The following MAGT1 variants were observed in gnomAD, a reference collection of about 807,000 sequenced individuals.
MAGT1 encodes dolichyl-diphosphooligosaccharide--protein glycosyltransferase subunit MAGT1.
Under a neutral mutation model 28.4 loss-of-function variants are expected in MAGT1, and 4 were observed. The observed-to-expected ratio is 0.14, with a 90% CI of 0.07 to 0.32. The LOEUF (loss-of-function observed/expected upper bound fraction) is 0.32, where lower values mean the gene tolerates loss of function less well. Among genes scored for constraint, MAGT1 ranks in the 10% least tolerant of loss-of-function variants. The pLI is 1.00. For missense variants in MAGT1, 193 were observed against 264.5 expected (o/e 0.73, Z 1.88); for synonymous variants, 89 against 89.7 (o/e 0.99, Z 0.04).
intron 1 of MAGT1, among the ~76,000 whole-genome samples, chrX:77,887,650 T>C (rs942232727): frequency 7.1e-5 from 8 of 112,030 alleles, no homozygotes; most frequent in African/African-American, 2.6e-4. Context: ...ATTTCACCTG[T>C]GCACTTCAGA....
rs186696606 is a variant in MAGT1, at chrX:77,876,256, C to T, written c.103-659G>A. 2.5e-3 allele frequency among the ~76,000 whole-genome samples: 246 copies of T among 99,422 alleles called. 2 individuals are homozygous for T. The highest frequency in any genetic ancestry group is 0.015 in the Middle Eastern group (3 of 195). The allele number at this position is 99,422 out of a possible 115,157, so 86.3% of individuals were successfully genotyped here. ...TCCTGGGCTCACATGATCCTCCCAA[C>T]TCAGCCTCCCAAGTGTTGGCATTAC... is the stretch of plus-strand genomic sequence containing the variant. On this transcript the variant is annotated intron_variant, in intron 1 of 9. Transcript: ENST00000618282.
intron 1 of MAGT1, among the ~76,000 whole-genome samples, chrX:77,886,023 A>G (rs1045996796): frequency 1.8e-5 from 2 of 110,945 alleles, no homozygotes; most frequent in Non-Finnish European, 3.8e-5. Context: ...GGGTTTTGCT[A>G]TGTTGCTCAG....
At chrX:77,836,258 G>A (rs1228597971) in intron 8 of MAGT1, among the ~76,000 whole-genome samples, 5 of 111,289 alleles carry the variant, frequency 4.5e-5, no homozygotes, top group East Asian at 2.8e-4. Context: ...GGGGAATGCC[G>A]GGGGAAGTAC....
At chrX:77,834,494 T>C (rs1235696495) in intron 8 of MAGT1, among the ~76,000 whole-genome samples, 1 of 107,069 alleles carries the variant, frequency 9.3e-6, no homozygotes, top group Non-Finnish European at 1.9e-5. Context: ...CCACCACACC[T>C]GGCTAATTTT....
chrX:77,844,931 G>T (rs1395350494), intron 7 of MAGT1, among the ~76,000 whole-genome samples: 1 of 111,647 alleles, frequency 9.0e-6, no homozygotes, highest in Non-Finnish European at 1.9e-5. Flanking sequence ...TTGATTTGGG[G>T]TGGAGAGTTC....
At chrX:77,863,028 G>A (rs1440527094) in intron 3 of MAGT1, among the ~76,000 whole-genome samples, 1 of 109,644 alleles carries the variant, frequency 9.1e-6, no homozygotes, top group Non-Finnish European at 1.9e-5. Context: ...TTAGCTGGGT[G>A]TGGTGATGTG....
chrX:77,848,898 C>T (rs1557215248), intron 7 of MAGT1, among the ~76,000 whole-genome samples: 1 of 109,287 alleles, frequency 9.2e-6, no homozygotes, highest in East Asian at 2.9e-4. Flanking sequence ...CCTATAGTCC[C>T]AGCTACTCAG....
intron 7 of MAGT1, among the ~76,000 whole-genome samples, chrX:77,844,042 C>G (rs1280422390): frequency 1.8e-5 from 2 of 111,373 alleles, no homozygotes; most frequent in African/African-American, 6.5e-5. Flanking sequence ...CTCCTTGTAC[C>G]TCTGGTAGAA....
chrX:77,847,700 T>C (rs1404006549), intron 7 of MAGT1, among the ~76,000 whole-genome samples: 7 of 105,093 alleles, frequency 6.7e-5, no homozygotes, highest in African/African-American at 2.4e-4. Context: ...AACCTCTGCC[T>C]CCCGGGTTCA....
At chrX:77,832,406 G>GAA (rs200980846) in intron 8 of MAGT1, among the ~76,000 whole-genome samples, 3 of 99,871 alleles carry the variant, frequency 3.0e-5, no homozygotes, top group Admixed American at 1.1e-4. Context: ...CTGATAAGCT[G>GAA]AAAAAAAAAA....
At chrX:77,836,725 G>A (rs982724512) in intron 8 of MAGT1, among the ~76,000 whole-genome samples, 1 of 110,058 alleles carries the variant, frequency 9.1e-6, no homozygotes, top group Non-Finnish European at 1.9e-5. Flanking sequence ...ACAATGTAGC[G>A]AGGCCCCATC....
At chrX:77,886,654 TA>T (rs1390141406) in intron 1 of MAGT1, among the ~76,000 whole-genome samples, 2 of 103,496 alleles carry the variant, frequency 1.9e-5, no homozygotes, top group African/African-American at 3.5e-5. Context: ...ATTCCATCTC[TA>T]AAAAAAAAAC....
chrX:77,877,750 T>C (rs1327283829), intron 1 of MAGT1, among the ~76,000 whole-genome samples: 1 of 106,757 alleles, frequency 9.4e-6, no homozygotes, highest in African/African-American at 3.4e-5. Context: ...GAGGCGGAGG[T>C]TGCGGTGAGC....
intron 7 of MAGT1, among the ~76,000 whole-genome samples, chrX:77,848,700 G>A (rs2076958806): frequency 9.0e-6 from 1 of 111,568 alleles, no homozygotes; most frequent in East Asian, 2.8e-4. Flanking sequence ...AAAAGTAAAT[G>A]TAGTTTATAC....
intron 8 of MAGT1, among the ~76,000 whole-genome samples, chrX:77,833,160 T>C (rs1369334452): frequency 8.9e-6 from 1 of 112,405 alleles, no homozygotes; most frequent in African/African-American, 3.2e-5. Context: ...CACAATAGTC[T>C]ATTTCAGAAA....
In MAGT1 at chrX:77,826,086, G is replaced by C. The variant is rs1423104332; in HGVS notation, c.*3134C>G. Among the ~76,000 whole-genome samples, 3 of 112,207 alleles carry C rather than the reference G, an allele frequency of 2.7e-5. No homozygotes were observed. Among genetic ancestry groups the C allele is most frequent in the African/African-American group, 9.7e-5 (3 of 30,921 alleles). On this transcript the variant is annotated 3_prime_UTR_variant, in exon 10 of 10. Coordinates refer to ENST00000618282, the MANE Select transcript of MAGT1 (RefSeq NM_001367916.1). The stretch of plus-strand genomic sequence containing the variant: ...TGTTCACTGTCTGGGACGAAAGGTA[G>C]ATCAATTGTTGCAAACAGTCATTTA...
At position 77,869,338 on chromosome X, in the gene MAGT1, T is replaced by C. The variant is rs184485092; in HGVS notation, c.390+1470A>G. 3.1e-3 allele frequency among the ~76,000 whole-genome samples: 346 copies of C among 111,415 alleles called. 8 individuals carry two copies. In the Admixed American group the frequency reaches 0.032, roughly 10 times the overall value. On this transcript the variant is annotated intron_variant, in intron 3 of 9. Transcript: ENST00000618282. ...CTGAAAAACTCTTCCAGACATTGGC[T>C]TAGGCAAAGAATTCATGGCTAAGAC...
chrX:77,841,162 A>G (rs1456760101), intron 8 of MAGT1, 84 bp downstream of exon 8: 91 of 743,491 alleles, frequency 1.2e-4, no homozygotes, highest in Non-Finnish European at 1.4e-4. Flanking sequence ...TACTTATCCT[A>G]TAAGTAAGAG....
intron 3 of MAGT1, among the ~76,000 whole-genome samples, chrX:77,865,178 A>C (rs1349872301): frequency 1.8e-5 from 2 of 112,356 alleles, no homozygotes; most frequent in Non-Finnish European, 3.8e-5. Context: ...GTAAAATGGA[A>C]ACATTAAGCC....
Sources: allele counts gnomAD v4.1 joint callset (sites outside exome capture counted in the v4.1 genomes callset), GRCh38; gene constraint gnomAD v4.1.1; transcripts MANE v1.5; gene names NCBI Gene and HGNC (gene_info 2026-07-23, HGNC 2026-07-21).